The following STK32B variants were observed in gnomAD, a reference collection of about 807,000 sequenced individuals.
The protein encoded by STK32B is serine/threonine kinase 32B, also known as serine/threonine-protein kinase 32B.
In STK32B, 43 loss-of-function variants were observed where a neutral mutation model predicts 52.6. The ratio of observed to expected loss-of-function variants is 0.82; its 90% CI spans 0.64 to 1.05. The LOEUF (loss-of-function observed/expected upper bound fraction) is 1.05, where lower values mean the gene tolerates loss of function less well. Ranked by LOEUF, STK32B falls within the 50% of genes least tolerant of loss-of-function variation. STK32B has a pLI of 0.00. For synonymous variants in STK32B, 238 were observed against 204.3 expected, an observed-to-expected ratio of 1.17 and a Z score of -1.41; for missense variants, 621 against 534.6, an observed-to-expected ratio of 1.16 and a Z score of -1.59.
intron 3 of STK32B, among the ~76,000 whole-genome samples, chr4:5,226,281 A>C (rs1241535774): frequency 1.3e-5 from 2 of 152,098 alleles, no homozygotes; most frequent in Non-Finnish European, 2.9e-5. Flanking sequence ...TCTTTCCTCC[A>C]CGTTGCATTT....
chr4:5,463,717 C>A (rs1717214358), intron 9 of STK32B, among the ~76,000 whole-genome samples: 1 of 152,168 alleles, frequency 6.6e-6, no homozygotes, highest in Non-Finnish European at 1.5e-5. Context: ...CAGCCCCACC[C>A]ACAGGTCTGT....
At chr4:5,356,052 C>A (rs1734152783) in intron 4 of STK32B, among the ~76,000 whole-genome samples, 1 of 152,144 alleles carries the variant, frequency 6.6e-6, no homozygotes, top group Non-Finnish European at 1.5e-5. Flanking sequence ...CCATGTCAAG[C>A]ACTGAGCAGA....
chr4:5,382,431 G>A (rs923008093), intron 4 of STK32B, among the ~76,000 whole-genome samples: 2 of 152,064 alleles, frequency 1.3e-5, no homozygotes, highest in African/African-American at 4.8e-5. Flanking sequence ...CCACAATGTC[G>A]CCTTGGGGTC....
rs558346384 is a variant in STK32B at position 5,405,012 on chromosome 4, G to A, written c.472+6768G>A. 4.0e-3 allele frequency among the ~76,000 whole-genome samples: 609 copies of A among 151,338 alleles called. 5 individuals are homozygous for A. Among genetic ancestry groups the A allele is most frequent in the African/African-American group, 0.013 (521 of 41,138 alleles). On this transcript the variant is annotated intron_variant, in intron 5 of 11. Transcript: ENST00000282908. ...CTCCTAAGTAGCTGGGACTACAGGCGCCCACCACCACACCTGGCTAAGTTT... is the reference window on the plus strand; with the variant it reads ...CTCCTAAGTAGCTGGGACTACAGGCACCCACCACCACACCTGGCTAAGTTT...
intron 11 of STK32B, among the ~76,000 whole-genome samples, chr4:5,496,340 C>G (rs532347003): frequency 5.9e-5 from 9 of 152,204 alleles, no homozygotes; most frequent in Non-Finnish European, 8.8e-5. Context: ...GACTGCTGTG[C>G]TAGCAATCAG....
Position 5,320,860 on chromosome 4 carries a change from C to G in STK32B, c.261-10360C>G, listed in dbSNP as rs564105810. The stretch of plus-strand genomic sequence containing the variant: ...AAGAAATTTGGGTTGAAGAGTGATG[C>G]ATTGTAATTTTTCCCACTTAAATAA... On this transcript the variant is annotated intron_variant, in intron 3 of 11. Transcript: ENST00000282908. Among the ~76,000 whole-genome samples, 9 of 152,280 alleles carry G rather than the reference C, an allele frequency of 5.9e-5. No individual in the cohort carries two copies. The East Asian group carries it at 1.5e-3, about 26-fold the overall frequency.
intron 1 of STK32B, among the ~76,000 whole-genome samples, chr4:5,090,338 T>C (rs1713000571): frequency 6.6e-6 from 1 of 151,384 alleles, no homozygotes. Context: ...GCTTTAATGG[T>C]TTTGGGTTTT....
At position 5,241,965 on chromosome 4, in the gene STK32B, C is replaced by G. The variant is rs1352636402; in HGVS notation, c.260+73515C>G. On this transcript the variant is annotated intron_variant, in intron 3 of 11. Transcript: ENST00000282908. ...TGTATATGTGCCACATTTTCTTAATCCACTCTATCATTGTTGGACATTTGG... is the reference window on the plus strand; with the variant it reads ...TGTATATGTGCCACATTTTCTTAATGCACTCTATCATTGTTGGACATTTGG... Among the ~76,000 whole-genome samples the G allele has an allele frequency of 1.3e-5, 2 of 152,170 alleles. 1 individual carries two copies. Among genetic ancestry groups the G allele is most frequent in the African/African-American group, 4.8e-5 (2 of 41,448 alleles).
In STK32B at chr4:5,484,219, G is replaced by A. The variant is rs368560268; in HGVS notation, c.1107-14726G>A. On this transcript the variant is annotated intron_variant, in intron 11 of 11. Coordinates refer to ENST00000282908, the MANE Select transcript of STK32B (RefSeq NM_018401.3). ...AGTCTCCCATTATTATTGTGTTGGT[G>A]TCTCAGTCTCTTTGTAGGTCTCTAA... 4.6e-5 allele frequency among the ~76,000 whole-genome samples: 7 copies of A among 152,272 alleles called. No homozygotes were observed. In the South Asian group the frequency reaches 8.3e-4, roughly 18 times the overall value.
intron 3 of STK32B, 66 bp downstream of exon 3, chr4:5,168,516 C>A: frequency 6.6e-7 from 1 of 1,512,096 alleles, no homozygotes; most frequent in East Asian, 2.3e-5. Context: ...AAATTCGCCT[C>A]TGCTAGAGGG....
At chr4:5,171,732 C>T (rs1391219750) in intron 3 of STK32B, among the ~76,000 whole-genome samples, 1 of 147,840 alleles carries the variant, frequency 6.8e-6, no homozygotes, top group African/African-American at 2.4e-5. Flanking sequence ...GGTTTGAAGT[C>T]AGGTAGCGTG....
chr4:5,097,287 C>G (rs1367917916), intron 1 of STK32B, among the ~76,000 whole-genome samples: 1 of 152,198 alleles, frequency 6.6e-6, no homozygotes. Context: ...GAATGATACA[C>G]TTTAAATGCA....
At chr4:5,069,944 G>A (rs951544402) in intron 1 of STK32B, among the ~76,000 whole-genome samples, 1 of 152,124 alleles carries the variant, frequency 6.6e-6, no homozygotes, top group South Asian at 2.1e-4. Context: ...AGGATGGAGT[G>A]AGGTAACCAT....
At chr4:5,320,529 A>G (rs527266629) in intron 3 of STK32B, among the ~76,000 whole-genome samples, 3 of 152,316 alleles carry the variant, frequency 2.0e-5, no homozygotes, top group South Asian at 4.1e-4. Flanking sequence ...GAAACTCAAT[A>G]TAACATTTTT....
chr4:5,472,461 C>T (rs556066113), intron 11 of STK32B, among the ~76,000 whole-genome samples: 3 of 152,234 alleles, frequency 2.0e-5, no homozygotes, highest in African/African-American at 7.2e-5. Context: ...GGAGCATCTG[C>T]TTCCAGGGCT....
intron 3 of STK32B, among the ~76,000 whole-genome samples, chr4:5,243,630 T>G (rs1725208173): frequency 6.6e-6 from 1 of 152,152 alleles, no homozygotes; most frequent in Non-Finnish European, 1.5e-5. Flanking sequence ...ATAGGAGTGG[T>G]GAGAGAGGGT....
In STK32B at chr4:5,053,311, A is replaced by T. The variant is rs777011200; in HGVS notation, c.52+1396A>T. ...CTTTTCCTGATCTTTAGTCTGGAGC[A>T]TGTGCAGGTGAGCAGGTAAGGAGCC... On this transcript the variant is annotated intron_variant, in intron 1 of 11. Coordinates refer to ENST00000282908, the MANE Select transcript of STK32B (RefSeq NM_018401.3). 2.0e-5 allele frequency among the ~76,000 whole-genome samples: 3 copies of T among 152,188 alleles called. No homozygotes were observed. The South Asian group carries it at 6.2e-4, about 32-fold the overall frequency.
chr4:5,443,214 C>G (rs1350656829), intron 6 of STK32B, among the ~76,000 whole-genome samples: 1 of 146,864 alleles, frequency 6.8e-6, no homozygotes, highest in African/African-American at 2.5e-5. Flanking sequence ...CAACTTGGTT[C>G]CATTCTCCCC....
chr4:5,379,424 G>C (rs1478583108), intron 4 of STK32B, among the ~76,000 whole-genome samples: 1 of 152,080 alleles, frequency 6.6e-6, no homozygotes, highest in Non-Finnish European at 1.5e-5. Context: ...CAGAGCAGGA[G>C]GCTCCCCCAC....
Sources: gnomAD v4.1 joint callset for allele counts (sites outside exome capture counted in the v4.1 genomes callset) on GRCh38, gnomAD v4.1.1 for gene constraint, MANE v1.5 for transcripts, NCBI Gene and HGNC (gene_info 2026-07-23, HGNC 2026-07-21) for gene names.